Variants in ADAMTS3 observed in about 807,000 individuals in gnomAD.
ADAMTS3 encodes A disintegrin and metalloproteinase with thrombospondin motifs 3.
In ADAMTS3, 73 loss-of-function variants were observed where a neutral mutation model predicts 129.0. That is an observed-to-expected ratio of 0.57 (90% CI 0.47 to 0.69). The LOEUF is 0.69. ADAMTS3 is among the 30% of genes least tolerant of loss of function. The probability of loss-of-function intolerance (pLI) is 0.00; values close to 1 mark genes in which losing one functional copy is unlikely to be tolerated. For synonymous variants in ADAMTS3, 477 were observed against 510.8 expected (o/e 0.93, Z 0.89); for missense variants, 1,457 against 1,514.5 (o/e 0.96, Z 0.63).
intron 7 of ADAMTS3, 130 bp from the exon 8 acceptor site, chr4:72,320,093 T>C: frequency 1.5e-6 from 1 of 686,002 alleles, no homozygotes; most frequent in Admixed American, 2.5e-5. Context: ...ATTTCCCTAC[T>C]AGCATTGTGT....
chr4:72,302,888 T>C (rs1007612359), intron 17 of ADAMTS3, among the ~76,000 whole-genome samples: 2 of 152,130 alleles, frequency 1.3e-5, no homozygotes, highest in African/African-American at 2.4e-5. Context: ...CTCCTGTATA[T>C]TGGCCCCTAG....
intron 4 of ADAMTS3, among the ~76,000 whole-genome samples, chr4:72,350,673 C>T (rs1418511541): frequency 6.6e-6 from 1 of 151,862 alleles, no homozygotes; most frequent in Non-Finnish European, 1.5e-5. Flanking sequence ...AATGACTGAC[C>T]ACCACTGAGG....
chr4:72,429,675 T>TA (rs1490467428), intron 3 of ADAMTS3, among the ~76,000 whole-genome samples: 1 of 152,072 alleles, frequency 6.6e-6, no homozygotes, highest in African/African-American at 2.4e-5. Flanking sequence ...TCATTGCTCC[T>TA]AAAAAGATAA....
chr4:72,471,772 C>T (rs933983914), intron 3 of ADAMTS3, among the ~76,000 whole-genome samples: 4 of 152,004 alleles, frequency 2.6e-5, no homozygotes, highest in Non-Finnish European at 5.9e-5. Flanking sequence ...TTTATTATAA[C>T]TACTGTAAAA....
chr4:72,479,103 G>A (rs1719343328), intron 3 of ADAMTS3, among the ~76,000 whole-genome samples: 1 of 152,048 alleles, frequency 6.6e-6, no homozygotes, highest in Non-Finnish European at 1.5e-5. Flanking sequence ...AATATCCTGA[G>A]AATGGCCATA....
chr4:72,525,214 C>T (rs11728200), intron 3 of ADAMTS3, among the ~76,000 whole-genome samples: 51,770 of 151,994 alleles, frequency 0.34, 9,607 homozygotes, highest in South Asian at 0.55. Flanking sequence ...AGGGTCAAAA[C>T]AGGTAGAGCC....
rs1482829041 is a variant in ADAMTS3 at position 72,282,026 on chromosome 4, T to A, written c.*1110A>T. 2 of 152,190 alleles carry A rather than the reference T, an allele frequency of 1.3e-5. No homozygotes were observed. The highest frequency in any genetic ancestry group is 2.9e-5 in the Non-Finnish European group (2 of 68,028). 9.4% of individuals were successfully genotyped at this position (152,190 alleles called of 1,614,324 possible). On this transcript the variant is annotated 3_prime_UTR_variant, in exon 22 of 22. Transcript: ENST00000286657. Reference sequence around the variant, plus strand: ...AAAATAAATATCTCAACCATCGACATATGCTTTCTTGAACCTGCCTTCAAA... The same window carrying A: ...AAAATAAATATCTCAACCATCGACAAATGCTTTCTTGAACCTGCCTTCAAA...
chr4:72,548,754 G>T lies in ADAMTS3; in HGVS notation c.228C>A (p.Asn76Lys), dbSNP rs1344539242. Residue 76 changes from asparagine (N) to lysine (K), a missense_variant, in exon 3 of 22, where the codon AAC becomes AAA. Transcript: ENST00000286657. The part of the protein sequence containing the change: ...KKRSARDVSS[N>K]PEQLFFNITA... ...TGATGTTAAAGAACAACTGCTCAGG[G>T]TTGGAAGACACGTCCCTCGCTGACC... 6.2e-7 allele frequency: 1 copy of T among 1,613,828 alleles called. No individual in the cohort carries two copies. Among genetic ancestry groups the T allele is most frequent in the Non-Finnish European group, 8.5e-7 (1 of 1,179,904 alleles).
In ADAMTS3 at chr4:72,282,402, T is replaced by A. The variant is rs147161404; in HGVS notation, c.*734A>T. ...CAATAGGTAAGCTGATATCTGTATA[T>A]CTATAGCTTTTGTGTTTCTTTTCTT... On this transcript the variant is annotated 3_prime_UTR_variant, in exon 22 of 22. Coordinates refer to ENST00000286657, the MANE Select transcript of ADAMTS3 (RefSeq NM_014243.3). The A allele has an allele frequency of 3.3e-5, 5 of 152,340 alleles. No individual in the cohort carries two copies. The highest frequency in any genetic ancestry group is 9.6e-5 in the African/African-American group (4 of 41,572). 9.4% of individuals were successfully genotyped at this position (152,340 alleles called of 1,614,324 possible). A position where few individuals can be genotyped will look rare whatever the true frequency, so the allele number is the denominator to read the frequency against.
intron 3 of ADAMTS3, among the ~76,000 whole-genome samples, chr4:72,472,113 A>G (rs1719088409): frequency 6.6e-6 from 1 of 152,166 alleles, no homozygotes; most frequent in Non-Finnish European, 1.5e-5. Context: ...ATCCTGGTCC[A>G]GGAAAAATGA....
At chr4:72,515,954 G>T (rs544180471) in intron 3 of ADAMTS3, among the ~76,000 whole-genome samples, 2 of 152,150 alleles carry the variant, frequency 1.3e-5, no homozygotes, top group South Asian at 2.1e-4. Context: ...TTCTTCTAGG[G>T]TTTTTATGGT....
intron 2 of ADAMTS3, among the ~76,000 whole-genome samples, chr4:72,564,765 C>T (rs1721983172): frequency 6.6e-6 from 1 of 152,184 alleles, no homozygotes; most frequent in Admixed American, 6.5e-5. Flanking sequence ...CCATCACAAA[C>T]TGCCTTCTCT....
At chr4:72,436,571 G>A (rs1162331495) in intron 3 of ADAMTS3, among the ~76,000 whole-genome samples, 1 of 152,084 alleles carries the variant, frequency 6.6e-6, no homozygotes, top group Non-Finnish European at 1.5e-5. Context: ...GTTTATTGCG[G>A]CACTATTCAC....
intron 3 of ADAMTS3, among the ~76,000 whole-genome samples, chr4:72,527,796 G>A (rs900768258): frequency 3.9e-5 from 6 of 152,174 alleles, no homozygotes; most frequent in African/African-American, 1.4e-4. Context: ...CGAGCTCTGG[G>A]TACCAAGAGG....
chr4:72,482,082 T>C (rs1205648330), intron 3 of ADAMTS3, among the ~76,000 whole-genome samples: 1 of 152,080 alleles, frequency 6.6e-6, no homozygotes, highest in Non-Finnish European at 1.5e-5. Context: ...CCACTCTGCA[T>C]TAACAGTTCG....
rs1718325830 is a variant in ADAMTS3 at position 72,281,015 on chromosome 4, A to G, written c.*2121T>C. 2 of 152,628 alleles carry G rather than the reference A, an allele frequency of 1.3e-5. No homozygotes were observed. Among genetic ancestry groups the G allele is most frequent in the South Asian group, 2.1e-4 (1 of 4,832 alleles). 9.5% of individuals were successfully genotyped at this position (152,628 alleles called of 1,614,324 possible). A position where few individuals can be genotyped will look rare whatever the true frequency, so the allele number is the denominator to read the frequency against. On this transcript the variant is annotated 3_prime_UTR_variant, in exon 22 of 22. Transcript: ENST00000286657. ...TTGGTACGTGCTCTCAGTACAACAA[A>G]CAGCATCAGTAGTGTACACTTTGAT...
At chr4:72,462,676 G>T (rs1349583132) in intron 3 of ADAMTS3, among the ~76,000 whole-genome samples, 2 of 151,946 alleles carry the variant, frequency 1.3e-5, no homozygotes, top group South Asian at 2.1e-4. Context: ...TAATGTGTAT[G>T]TTCGTGTTTT....
chr4:72,524,044 T>A lies in ADAMTS3; in HGVS notation c.504+24434A>T, dbSNP rs375118664. Reference sequence around the variant, plus strand: ...TTAACTGCCAAAAACTTTAGAGCAATCCTTATTTCCCAAGTGTTTAATTTT... The same window carrying A: ...TTAACTGCCAAAAACTTTAGAGCAAACCTTATTTCCCAAGTGTTTAATTTT... On this transcript the variant is annotated intron_variant, in intron 3 of 21. Transcript: ENST00000286657. Among the ~76,000 whole-genome samples, 63 of 152,288 alleles carry A rather than the reference T, an allele frequency of 4.1e-4. No individual in the cohort carries two copies. The South Asian group carries it at 0.012, about 30-fold the overall frequency.
intron 3 of ADAMTS3, among the ~76,000 whole-genome samples, chr4:72,536,738 T>C (rs1449897605): frequency 6.6e-6 from 1 of 152,152 alleles, no homozygotes; most frequent in Non-Finnish European, 1.5e-5. Flanking sequence ...AATCCCAACA[T>C]GAGTCCTTTC....
Sources: gnomAD v4.1 joint callset for allele counts (sites outside exome capture counted in the v4.1 genomes callset) on GRCh38, gnomAD v4.1.1 for gene constraint, MANE v1.5 for transcripts, NCBI Gene and HGNC (gene_info 2026-07-23, HGNC 2026-07-21) for gene names.